The following TRPM3 variants were observed in gnomAD, a reference collection of about 807,000 sequenced individuals.
TRPM3 encodes transient receptor potential cation channel subfamily M member 3.
A neutral mutation model predicts 181.2 loss-of-function variants in TRPM3; 77 were observed. The observed-to-expected ratio is 0.42, with a 90% CI of 0.35 to 0.51. The LOEUF is 0.51. TRPM3 is among the 20% of genes least tolerant of loss of function. TRPM3 has a pLI of 0.01. For synonymous variants in TRPM3, 745 were observed against 796.4 expected, an observed-to-expected ratio of 0.94 and a Z score of 1.09; for missense variants, 1,759 against 2,196.7, an observed-to-expected ratio of 0.80 and a Z score of 3.98.
chr9:71,381,627 C>T (rs2092802746), intron 1 of TRPM3, among the ~76,000 whole-genome samples: 1 of 152,096 alleles, frequency 6.6e-6, no homozygotes, highest in African/African-American at 2.4e-5. Flanking sequence ...TAGCAGCACA[C>T]CACAAGTGTT....
chr9:71,007,721 C>A (rs551404880), intron 1 of TRPM3, among the ~76,000 whole-genome samples: 26 of 152,034 alleles, frequency 1.7e-4, no homozygotes, highest in African/African-American at 5.5e-4. Context: ...TGGAATACAG[C>A]AAAATGAAAA....
chr9:70,980,925 G>A (rs2097357466), intron 1 of TRPM3, among the ~76,000 whole-genome samples: 1 of 152,104 alleles, frequency 6.6e-6, no homozygotes, highest in South Asian at 2.1e-4. Flanking sequence ...CCTGAAAAGT[G>A]TATTATATTT....
At chr9:71,195,438 A>G (rs2078288567) in intron 1 of TRPM3, among the ~76,000 whole-genome samples, 1 of 152,056 alleles carries the variant, frequency 6.6e-6, no homozygotes, top group East Asian at 1.9e-4. Context: ...CAGAATGGCT[A>G]TTATTAAAAT....
intron 1 of TRPM3, among the ~76,000 whole-genome samples, chr9:71,275,884 C>G (rs1276688388): frequency 6.6e-6 from 1 of 151,660 alleles, no homozygotes; most frequent in Admixed American, 6.6e-5. Context: ...CTCTTTCACC[C>G]AGGCTGGAGT....
At chr9:71,153,126 G>A (rs1029592298) in intron 1 of TRPM3, among the ~76,000 whole-genome samples, 23 of 152,020 alleles carry the variant, frequency 1.5e-4, no homozygotes, top group African/African-American at 5.6e-4. Flanking sequence ...AGGGAAAGCA[G>A]TACCATCAGA....
intron 22 of TRPM3, among the ~76,000 whole-genome samples, chr9:70,587,001 A>G (rs1043435469): frequency 6.8e-6 from 1 of 147,534 alleles, no homozygotes; most frequent in African/African-American, 2.5e-5. Flanking sequence ...AGGAGCAAGG[A>G]TTTTTTTTTT....
At chr9:71,022,695 C>T (rs1232840876) in intron 1 of TRPM3, among the ~76,000 whole-genome samples, 2 of 151,684 alleles carry the variant, frequency 1.3e-5, no homozygotes, top group Non-Finnish European at 2.9e-5. Context: ...AAGACTCTGT[C>T]TCAAAATAAA....
chr9:71,021,767 T>C (rs945997321), intron 1 of TRPM3, among the ~76,000 whole-genome samples: 1 of 151,948 alleles, frequency 6.6e-6, no homozygotes, highest in Non-Finnish European at 1.5e-5. Flanking sequence ...GGTGCACAGG[T>C]GATCAGTGAA....
intron 1 of TRPM3, among the ~76,000 whole-genome samples, chr9:70,889,341 C>T (rs1276588848): frequency 2.0e-5 from 3 of 152,140 alleles, no homozygotes; most frequent in Non-Finnish European, 4.4e-5. Context: ...ACTAGATGTA[C>T]GGCTGAAAGT....
chr9:71,393,353 G>C (rs564989839), intron 1 of TRPM3, among the ~76,000 whole-genome samples: 2 of 152,068 alleles, frequency 1.3e-5, no homozygotes, highest in Non-Finnish European at 2.9e-5. Context: ...TTTTATTTTT[G>C]TGTCCCAGAA....
At chr9:71,324,347 C>T (rs1234959176) in intron 1 of TRPM3, among the ~76,000 whole-genome samples, 2 of 151,892 alleles carry the variant, frequency 1.3e-5, no homozygotes, top group Non-Finnish European at 1.5e-5. Flanking sequence ...TTTCAAGTGA[C>T]CAGTAGGTAT....
intron 9 of TRPM3, among the ~76,000 whole-genome samples, chr9:70,673,990 T>C (rs1194049374): frequency 6.7e-6 from 1 of 149,636 alleles, no homozygotes; most frequent in African/African-American, 2.4e-5. Context: ...ACTTTGTATC[T>C]CATAAAAATG....
intron 1 of TRPM3, among the ~76,000 whole-genome samples, chr9:71,313,304 T>A (rs917186573): frequency 1.3e-5 from 2 of 152,198 alleles, no homozygotes; most frequent in African/African-American, 4.8e-5. Flanking sequence ...TGCTCACTGA[T>A]ACGGATACCC....
chr9:71,337,720 G>A (rs761767656), intron 1 of TRPM3, among the ~76,000 whole-genome samples: 1 of 152,112 alleles, frequency 6.6e-6, no homozygotes, highest in Non-Finnish European at 1.5e-5. Context: ...AAGAAAATAT[G>A]GCAAATGTAC....
chr9:71,270,654 T>A (rs575206957), intron 1 of TRPM3, among the ~76,000 whole-genome samples: 1 of 152,286 alleles, frequency 6.6e-6, no homozygotes, highest in East Asian at 1.9e-4. Context: ...GTAGGAAGAA[T>A]GATATCTTCC....
intron 1 of TRPM3, among the ~76,000 whole-genome samples, chr9:71,189,703 A>T (rs146558478): frequency 2.8e-4 from 43 of 151,808 alleles, no homozygotes; most frequent in African/African-American, 1.0e-3. Context: ...TCAAGGCCCA[A>T]CTGAAACATC....
At chr9:70,877,311 C>A (rs1292727413) in intron 1 of TRPM3, among the ~76,000 whole-genome samples, 1 of 151,902 alleles carries the variant, frequency 6.6e-6, no homozygotes, top group Non-Finnish European at 1.5e-5. Flanking sequence ...ATTTTAGATC[C>A]TCAACTGCTC....
chr9:71,288,376 T>A (rs982762257), intron 1 of TRPM3, among the ~76,000 whole-genome samples: 2 of 152,130 alleles, frequency 1.3e-5, no homozygotes, highest in African/African-American at 4.8e-5. Context: ...TTATTTTTCA[T>A]ATGTGTATAT....
intron 8 of TRPM3, among the ~76,000 whole-genome samples, chr9:70,743,107 G>T (rs934825775): frequency 6.6e-6 from 1 of 152,172 alleles, no homozygotes; most frequent in Non-Finnish European, 1.5e-5. Flanking sequence ...AGTCACACAG[G>T]TGGGATATTC....
Sources: allele counts gnomAD v4.1 joint callset (sites outside exome capture counted in the v4.1 genomes callset), GRCh38; gene constraint gnomAD v4.1.1; transcripts MANE v1.5; gene names NCBI Gene and HGNC (gene_info 2026-07-23, HGNC 2026-07-21).